METAP1D: variants seen among roughly 807,000 people sequenced by gnomAD.
METAP1D encodes methionine aminopeptidase 1D, mitochondrial.
Under a neutral mutation model 40.5 loss-of-function variants are expected in METAP1D, and 31 were observed. The ratio of observed to expected loss-of-function variants is 0.77; its 90% confidence interval spans 0.58 to 1.03. METAP1D has a LOEUF of 1.03. Among genes scored for constraint, METAP1D ranks in the 50% least tolerant of loss-of-function variants. The probability of loss-of-function intolerance (pLI) is 0.00; values close to 1 mark genes in which losing one functional copy is unlikely to be tolerated. For missense variants in METAP1D, 411 were observed against 420.7 expected (o/e 0.98, Z 0.20); for synonymous variants, 151 against 146.4 (o/e 1.03, Z -0.22).
At chr2:172,035,461 G>C (rs531551984) in intron 1 of METAP1D, among the ~76,000 whole-genome samples, 1 of 152,020 alleles carries the variant, frequency 6.6e-6, no homozygotes, top group African/African-American at 2.4e-5. Flanking sequence ...ACCACCCCCG[G>C]CCTACTGTAC....
intron 1 of METAP1D, among the ~76,000 whole-genome samples, chr2:172,038,409 C>G (rs765299292): frequency 7.2e-5 from 11 of 152,104 alleles, no homozygotes; most frequent in Non-Finnish European, 1.5e-4. Flanking sequence ...CATTGACTAC[C>G]TGAACACTCT....
At chr2:172,031,939 G>A (rs56186733) in intron 1 of METAP1D, among the ~76,000 whole-genome samples, 1,697 of 152,336 alleles carry the variant, frequency 0.011, 12 homozygotes, top group Non-Finnish European at 0.018. Flanking sequence ...TCTATTCATA[G>A]TTTCTGCGTC....
chr2:172,079,175 C>T lies in METAP1D; in HGVS notation c.803-40C>T, dbSNP rs1574149145. 5.6e-6 allele frequency: 9 copies of T among 1,608,066 alleles called. No individual in the cohort carries two copies. The East Asian group carries it at 2.0e-4, about 36-fold the overall frequency. ...AATCTGTTTTTTTTTTCTGTCCTCC[C>T]CATTTCCTATTCTCACCCCCCATGT... is the stretch of plus-strand genomic sequence containing the variant. On this transcript the variant is annotated intron_variant, in intron 7 of 9. Coordinates refer to ENST00000315796, the MANE Select transcript of METAP1D (RefSeq NM_199227.3).
At chr2:172,054,980 C>T (rs1689969180) in intron 1 of METAP1D, among the ~76,000 whole-genome samples, 1 of 152,204 alleles carries the variant, frequency 6.6e-6, no homozygotes, top group Non-Finnish European at 1.5e-5. Context: ...AGGTCATCAA[C>T]AGTAGCAATA....
intron 7 of METAP1D, 143 bp downstream of exon 7, chr2:172,078,037 G>T: frequency 4.3e-6 from 2 of 460,738 alleles, no homozygotes; most frequent in Non-Finnish European, 8.1e-6. Flanking sequence ...GCAGGGGAGG[G>T]GGGTCTGCTT....
At chr2:172,010,606 C>T (rs1688694496) in intron 1 of METAP1D, among the ~76,000 whole-genome samples, 1 of 151,222 alleles carries the variant, frequency 6.6e-6, no homozygotes, top group African/African-American at 2.4e-5. Flanking sequence ...GATTCTCCTG[C>T]CTCAGCCCCC....
intron 1 of METAP1D, among the ~76,000 whole-genome samples, chr2:172,050,625 T>C (rs557469750): frequency 6.6e-6 from 1 of 152,294 alleles, no homozygotes; most frequent in African/African-American, 2.4e-5. Context: ...CTTTGGAAGG[T>C]TGAAATTTGC....
Position 172,077,894 on chromosome 2 carries a change from G to T in METAP1D, c.802G>T (p.Ala268Ser). 1 of 1,568,184 alleles carries T rather than the reference G, an allele frequency of 6.4e-7. No individual in the cohort carries two copies. Among genetic ancestry groups the T allele is most frequent in the Non-Finnish European group, 8.8e-7 (1 of 1,140,690 alleles). Residue 268 changes from alanine to serine, a missense_variant and splice_region_variant, in exon 7 of 10, where the codon GCA (alanine) becomes TCA (serine). By Grantham distance (99) the Ala-to-Ser change is moderately conservative. Coordinates refer to ENST00000315796, the MANE Select transcript of METAP1D (RefSeq NM_199227.3). ...FHGHPEIWHHANDSDLPMEEG... is the reference protein window; with the variant it reads ...FHGHPEIWHHSNDSDLPMEEG... Reference sequence around the variant, plus strand: ...TGGACATCCAGAAATTTGGCATCATGGTAAGAAAGTTCATTTGGAGGCTGT... The same window carrying T: ...TGGACATCCAGAAATTTGGCATCATTGTAAGAAAGTTCATTTGGAGGCTGT...
intron 1 of METAP1D, among the ~76,000 whole-genome samples, chr2:172,010,207 C>T (rs1443972285): frequency 1.3e-5 from 2 of 149,358 alleles, no homozygotes; most frequent in Non-Finnish European, 3.0e-5. Flanking sequence ...GTGGCGCAAT[C>T]TCAACTCACT....
chr2:172,016,988 ACCCAAAGGAGGGG>A (rs1469294347), intron 1 of METAP1D, among the ~76,000 whole-genome samples: 2 of 152,076 alleles, frequency 1.3e-5, no homozygotes, highest in African/African-American at 4.8e-5. Context: ...TGACCTCTCT[ACCCAAAGGAGGGG>A]CCTCAGATAT....
intron 1 of METAP1D, among the ~76,000 whole-genome samples, chr2:172,025,155 A>G (rs1052296057): frequency 2.6e-5 from 4 of 152,218 alleles, no homozygotes; most frequent in African/African-American, 4.8e-5. Context: ...CTGGGTTTCA[A>G]ACTGGGTTTT....
chr2:172,015,676 G>A (rs1024974167), intron 1 of METAP1D, among the ~76,000 whole-genome samples: 3 of 151,896 alleles, frequency 2.0e-5, no homozygotes, highest in Admixed American at 1.3e-4. Flanking sequence ...AAAGTACATT[G>A]TGGCCAGACA....
intron 1 of METAP1D, among the ~76,000 whole-genome samples, chr2:172,005,688 C>A (rs1262010058): frequency 3.3e-5 from 5 of 151,430 alleles, no homozygotes; most frequent in Non-Finnish European, 7.4e-5. Context: ...CAGGCACCCG[C>A]CACCATGCCC....
intron 5 of METAP1D, 186 bp from the exon 6 acceptor site, chr2:172,070,721 A>T: frequency 2.9e-6 from 1 of 342,394 alleles, no homozygotes; most frequent in Non-Finnish European, 5.1e-6. Flanking sequence ...ATATCATTGC[A>T]TGGCTTCATC....
chr2:172,000,061 TACGC>T, intron 1 of METAP1D, 52 bp downstream of exon 1: 1 of 1,264,616 alleles, frequency 7.9e-7, no homozygotes, highest in Non-Finnish European at 1.0e-6. Context: ...GCTCACTAGG[TACGC>T]ACCCGGGTCC....
At chr2:172,067,066 G>A (rs1298616316) in intron 5 of METAP1D, among the ~76,000 whole-genome samples, 1 of 152,020 alleles carries the variant, frequency 6.6e-6, no homozygotes, top group Admixed American at 6.5e-5. Context: ...TCTCAGACTT[G>A]GATTATATGT....
intron 1 of METAP1D, among the ~76,000 whole-genome samples, chr2:172,023,656 A>G (rs960525255): frequency 3.9e-5 from 6 of 152,232 alleles, no homozygotes; most frequent in African/African-American, 1.4e-4. Context: ...AAAGGAACTT[A>G]TAAACATATA....
intron 1 of METAP1D, among the ~76,000 whole-genome samples, chr2:172,033,878 C>G (rs1689302972): frequency 6.6e-6 from 1 of 151,656 alleles, no homozygotes. Flanking sequence ...GGATTTGGGA[C>G]CAGCCTGGCC....
chr2:172,038,488 T>C (rs573122380), intron 1 of METAP1D, among the ~76,000 whole-genome samples: 6 of 152,322 alleles, frequency 3.9e-5, no homozygotes, highest in South Asian at 4.1e-4. Flanking sequence ...CTCAGTAAGA[T>C]AGAGAAACAT....
Sources: allele counts gnomAD v4.1 joint callset (sites outside exome capture counted in the v4.1 genomes callset), GRCh38; gene constraint gnomAD v4.1.1; transcripts MANE v1.5; gene names NCBI Gene and HGNC (gene_info 2026-07-23, HGNC 2026-07-21).